The following ICAM2 variants were observed in gnomAD, a reference collection of about 807,000 sequenced individuals.
The protein encoded by ICAM2 is intercellular adhesion molecule 2.
ICAM2 carries 14 observed loss-of-function variants against 19.1 expected under a neutral mutation model. That is an observed-to-expected ratio of 0.73 (90% CI 0.48 to 1.15). The LOEUF (loss-of-function observed/expected upper bound fraction) is 1.15, where lower values mean the gene tolerates loss of function less well. Ranked by LOEUF, ICAM2 falls within the 50% of genes most tolerant of loss-of-function variation. The pLI is 0.00. For missense variants in ICAM2, 311 were observed against 355.4 expected, an observed-to-expected ratio of 0.88 and a Z score of 1.00; for synonymous variants, 153 against 152.7, an observed-to-expected ratio of 1.00 and a Z score of -0.01.
chr17:64,006,489 C>T, intron 2 of ICAM2, 142 bp downstream of exon 2: 1 of 679,062 alleles, frequency 1.5e-6, no homozygotes, highest in South Asian at 1.9e-5. Context: ...AGACCGAGAC[C>T]CTGTCTTAAA....
rs1386883138 is a variant in ICAM2, at chr17:64,006,563, G to A, written c.61+68C>T. On this transcript the variant is annotated intron_variant, in intron 2 of 4. Transcript: ENST00000579788. ...GACTTCTCTTCCACCTGAAGCCACA[G>A]GGAACAGGGCACCCCCACCCTCTCG... 5 of 1,387,702 alleles carry A rather than the reference G, an allele frequency of 3.6e-6. No individual in the cohort carries two copies. The African/African-American group carries it at 7.2e-5, about 20-fold the overall frequency. 86.0% of individuals were successfully genotyped at this position (1,387,702 alleles called of 1,614,324 possible).
chr17:64,006,576 C>T (rs1375609688), intron 2 of ICAM2, 55 bp downstream of exon 2: 2 of 1,507,980 alleles, frequency 1.3e-6, no homozygotes, highest in East Asian at 2.3e-5. Flanking sequence ...AACAGGGCAC[C>T]CCCACCCTCT....
intron 1 of ICAM2, among the ~76,000 whole-genome samples, chr17:64,016,051 A>G (rs1184594315): frequency 6.6e-6 from 1 of 152,184 alleles, no homozygotes; most frequent in Non-Finnish European, 1.5e-5. Flanking sequence ...AAATGAAAAC[A>G]TTAACTCTTT....
chr17:64,007,794 G>T (rs1911280132), intron 1 of ICAM2: 1 of 152,152 alleles, frequency 6.6e-6, no homozygotes, highest in Non-Finnish European at 1.5e-5. Context: ...GGTTGGGAGG[G>T]TTGGAGCCTG....
At chr17:64,014,671 AAG>A (rs1267586984) in intron 1 of ICAM2, among the ~76,000 whole-genome samples, 1 of 100,830 alleles carries the variant, frequency 9.9e-6, no homozygotes, top group African/African-American at 3.6e-5. Context: ...GAAAGAGAGA[AAG>A]AAAGAAAGGA....
chr17:64,006,802 G>T, intron 1 of ICAM2, 67 bp from the exon 2 acceptor site: 1 of 918,336 alleles, frequency 1.1e-6, no homozygotes, highest in South Asian at 1.4e-5. Context: ...GCAAACTGAT[G>T]ACTGCATTTC....
chr17:64,007,148 A>G lies in ICAM2; in HGVS notation c.-44-413T>C, dbSNP rs111577873. Among the ~76,000 whole-genome samples, 109 of 152,336 alleles carry G rather than the reference A, an allele frequency of 7.2e-4. 2 individuals carry two copies. The highest frequency in any genetic ancestry group is 2.5e-3 in the African/African-American group (103 of 41,588). ...TGCAGTTACCATAGCAAAAGGGGAC[A>G]GTGACTTGGGCTTTTCTAAGGAAGC... On this transcript the variant is annotated intron_variant, in intron 1 of 4. Coordinates refer to ENST00000579788, the MANE Select transcript of ICAM2 (RefSeq NM_001099789.2).
intron 2 of ICAM2, 125 bp from the exon 3 acceptor site, chr17:64,005,498 C>A: frequency 9.4e-7 from 1 of 1,059,208 alleles, no homozygotes; most frequent in Non-Finnish European, 1.3e-6. Flanking sequence ...TTGGGGACCC[C>A]GCTGCTACTT....
chr17:64,003,377 G>T, intron 4 of ICAM2: 1 of 513,374 alleles, frequency 1.9e-6, no homozygotes, highest in Non-Finnish European at 3.5e-6. Context: ...ATTGTGGAGG[G>T]GAGCCAAGGC....
At chr17:64,014,132 A>G (rs1911559112) in intron 1 of ICAM2, among the ~76,000 whole-genome samples, 1 of 151,984 alleles carries the variant, frequency 6.6e-6, no homozygotes. Context: ...TGCGAGGCGC[A>G]AAAGTTGTGC....
chr17:64,003,441 CCT>C, intron 4 of ICAM2: 2 of 591,936 alleles, frequency 3.4e-6, no homozygotes, highest in Non-Finnish European at 3.0e-6. Flanking sequence ...AACTAGTTGA[CCT>C]CTCCCGACCT....
intron 1 of ICAM2, among the ~76,000 whole-genome samples, chr17:64,017,022 T>C (rs989977179): frequency 2.0e-5 from 3 of 152,236 alleles, no homozygotes; most frequent in African/African-American, 7.2e-5. Flanking sequence ...TCTATGTTGT[T>C]TTTAATGAGT....
At chr17:64,020,254 A>T (rs562727739) in intron 1 of ICAM2, among the ~76,000 whole-genome samples, 1 of 151,882 alleles carries the variant, frequency 6.6e-6, no homozygotes, top group African/African-American at 2.4e-5. Context: ...GAGATGGCAG[A>T]GCAGAGGAAG....
chr17:64,007,333 G>A (rs1303947421), intron 1 of ICAM2, among the ~76,000 whole-genome samples: 1 of 151,726 alleles, frequency 6.6e-6, no homozygotes, highest in Non-Finnish European at 1.5e-5. Context: ...ACAATTTTTG[G>A]TTCACTGCAA....
At chr17:64,014,719 AAGGAAGAAAG>A (rs1567849836) in intron 1 of ICAM2, among the ~76,000 whole-genome samples, 3 of 9,258 alleles carry the variant, frequency 3.2e-4, no homozygotes, top group African/African-American at 4.3e-4. Flanking sequence ...GGAAGGAAGG[AAGGAAGAAAG>A]AAAGAAAGAA....
At chr17:64,003,125 G>T (rs750459249) in intron 4 of ICAM2, 200 bp from the exon 5 acceptor site, 1 of 568,678 alleles carries the variant, frequency 1.8e-6, no homozygotes, top group African/African-American at 1.9e-5. Flanking sequence ...GTGGCCCAGG[G>T]CTCAGGCTAC....
chr17:64,014,722 G>GAAGA (rs1161852684), intron 1 of ICAM2, among the ~76,000 whole-genome samples: 620 of 15,858 alleles, frequency 0.039, 7 homozygotes, highest in African/African-American at 0.045. Context: ...AGGAAGGAAG[G>GAAGA]AAGAAAGAAA....
At chr17:64,019,794 C>T (rs940044043) in intron 1 of ICAM2, among the ~76,000 whole-genome samples, 15 of 113,960 alleles carry the variant, frequency 1.3e-4, no homozygotes, top group African/African-American at 3.4e-4. Flanking sequence ...CCAGCCTGGG[C>T]GACAAGAATG....
Position 64,014,842 on chromosome 17 carries a change from A to G in ICAM2, c.-45+5681T>C, listed in dbSNP as rs1911659945. Among the ~76,000 whole-genome samples, 5 of 152,082 alleles carry G rather than the reference A, an allele frequency of 3.3e-5. No individual in the cohort carries two copies. In the South Asian group the frequency reaches 1.0e-3, roughly 31 times the overall value. On this transcript the variant is annotated intron_variant, in intron 1 of 4. Transcript: ENST00000579788. ...TATAATCCTAGCACTTTGGGAGGCC[A>G]AGGCGGAAGGATCACCTGAGCTCAG...
Sources: allele counts gnomAD v4.1 joint callset (sites outside exome capture counted in the v4.1 genomes callset), GRCh38; gene constraint gnomAD v4.1.1; transcripts MANE v1.5; gene names NCBI Gene and HGNC (gene_info 2026-07-23, HGNC 2026-07-21).